The following SMARCA2 variants were observed in gnomAD, a reference collection of about 807,000 sequenced individuals.
The protein encoded by SMARCA2 is SWI/SNF-related matrix-associated actin-dependent regulator of chromatin subfamily A member 2.
SMARCA2 carries 61 observed loss-of-function variants against 199.8 expected under a neutral mutation model. The observed-to-expected ratio is 0.31, with a 90% CI of 0.25 to 0.38. The LOEUF (loss-of-function observed/expected upper bound fraction) is 0.38. Among genes scored for constraint, SMARCA2 ranks in the 10% least tolerant of loss-of-function variants. The probability of loss-of-function intolerance (pLI) is 1.00; values close to 1 mark genes in which losing one functional copy is unlikely to be tolerated. For synonymous variants in SMARCA2, 935 were observed against 732.0 expected (o/e 1.28, Z -4.48); for missense variants, 1,344 against 2,012.2 (o/e 0.67, Z 6.35).
chr9:2,186,503 A>AT (rs1827469470), intron 32 of SMARCA2, among the ~76,000 whole-genome samples: 1 of 151,904 alleles, frequency 6.6e-6, no homozygotes, highest in Non-Finnish European at 1.5e-5. Context: ...TATTTCTTTT[A>AT]TTTATTTATT....
At position 2,069,913 on chromosome 9, in the gene SMARCA2, G is replaced by A. The variant is rs138983587; in HGVS notation, c.1693-505G>A. ...TGGAGATCATCGTACCCAATAATTAGTTTTTCAGCTCTTGCCCCACTCCCT... is the reference window on the plus strand; with the variant it reads ...TGGAGATCATCGTACCCAATAATTAATTTTTCAGCTCTTGCCCCACTCCCT... On this transcript the variant is annotated intron_variant, in intron 9 of 33. Coordinates refer to ENST00000349721, the MANE Select transcript of SMARCA2 (RefSeq NM_003070.5). 2.0e-3 allele frequency among the ~76,000 whole-genome samples: 300 copies of A among 152,236 alleles called. 1 individual carries two copies. Among genetic ancestry groups the A allele is most frequent in the African/African-American group, 6.8e-3 (281 of 41,540 alleles).
intron 1 of SMARCA2, among the ~76,000 whole-genome samples, chr9:2,028,700 GC>G (rs1399330396): frequency 2.6e-5 from 4 of 152,170 alleles, no homozygotes; most frequent in African/African-American, 4.8e-5. Context: ...TTAGAATTCT[GC>G]TTATGTGTTA....
intron 4 of SMARCA2, chr9:2,044,191 C>G (rs150236142): frequency 3.0e-4 from 45 of 152,176 alleles, no homozygotes; most frequent in African/African-American, 1.0e-3. Flanking sequence ...GTGTTCAGTT[C>G]CCCGGCCTCT....
At chr9:2,131,152 A>G (rs930123997) in intron 27 of SMARCA2, among the ~76,000 whole-genome samples, 1 of 152,238 alleles carries the variant, frequency 6.6e-6, no homozygotes, top group African/African-American at 2.4e-5. Flanking sequence ...GATAATTGGA[A>G]TGCATTCTAG....
At chr9:2,097,194 A>G in intron 20 of SMARCA2, 191 bp from the exon 21 acceptor site, 2 of 531,246 alleles carry the variant, frequency 3.8e-6, no homozygotes, top group South Asian at 5.6e-5. Context: ...GCGTAAGTTA[A>G]TCACAAGAAA....
At chr9:2,187,736 A>C (rs533727678) in intron 32 of SMARCA2, among the ~76,000 whole-genome samples, 14 of 152,116 alleles carry the variant, frequency 9.2e-5, no homozygotes, top group African/African-American at 3.4e-4. Context: ...CTTCTTTCCT[A>C]TGTGTGTCTT....
At chr9:2,112,644 G>T (rs532871668) in intron 24 of SMARCA2, among the ~76,000 whole-genome samples, 1 of 152,116 alleles carries the variant, frequency 6.6e-6, no homozygotes, top group Admixed American at 6.6e-5. Context: ...TTTACAACAG[G>T]TTCCTCACAC....
At position 2,110,953 on chromosome 9, in the gene SMARCA2, T is replaced by G. The variant is rs1822965875; in HGVS notation, c.3456+536T>G. ...TTTTGTGTTTTATTTAAAGTCATCATCAAAACATATTCTAATGAGCATTTA... is the reference window on the plus strand; with the variant it reads ...TTTTGTGTTTTATTTAAAGTCATCAGCAAAACATATTCTAATGAGCATTTA... On this transcript the variant is annotated intron_variant, in intron 24 of 33. Transcript: ENST00000349721. The surrounding 1 kb of genome is among the most constrained non-coding windows in gnomAD (Gnocchi z 4.8). Among the ~76,000 whole-genome samples, 2 of 152,178 alleles carry G rather than the reference T, an allele frequency of 1.3e-5. No individual in the cohort carries two copies. The highest frequency in any genetic ancestry group is 2.9e-5 in the Non-Finnish European group (2 of 68,034).
At chr9:2,033,220 C>T in intron 3 of SMARCA2, 139 bp downstream of exon 3, 2 of 874,202 alleles carry the variant, frequency 2.3e-6, no homozygotes, top group Non-Finnish European at 3.5e-6. Context: ...TTATGGAAAT[C>T]TACCTCCGTC....
At chr9:2,090,150 A>G (rs1229279466) in intron 19 of SMARCA2, among the ~76,000 whole-genome samples, 1 of 152,218 alleles carries the variant, frequency 6.6e-6, no homozygotes, top group Non-Finnish European at 1.5e-5. Context: ...TTTGCTTTAC[A>G]AAAATATTTA....
chr9:2,181,780 A>G, intron 30 of SMARCA2, 104 bp downstream of exon 30: 1 of 683,242 alleles, frequency 1.5e-6, no homozygotes, highest in Non-Finnish European at 2.6e-6. Context: ...ATGGGTACCC[A>G]GGGCTCGCGA....
chr9:2,103,027 G>T (rs1822597179), intron 22 of SMARCA2, among the ~76,000 whole-genome samples: 2 of 148,350 alleles, frequency 1.3e-5, no homozygotes, highest in African/African-American at 5.0e-5. Context: ...CTTTATGCAT[G>T]CTCTTTCCTC....
At chr9:2,081,069 A>G (rs1821546230) in intron 14 of SMARCA2, among the ~76,000 whole-genome samples, 1 of 152,234 alleles carries the variant, frequency 6.6e-6, no homozygotes, top group African/African-American at 2.4e-5. Flanking sequence ...GACTTTAGCA[A>G]ACATATATAT....
chr9:2,149,181 T>C (rs1258901439), intron 27 of SMARCA2, among the ~76,000 whole-genome samples: 2 of 151,274 alleles, frequency 1.3e-5, no homozygotes, highest in Non-Finnish European at 3.0e-5. Context: ...CAAAAGGCAC[T>C]TCTTACATGG....
intron 27 of SMARCA2, among the ~76,000 whole-genome samples, chr9:2,134,026 A>G (rs371461575): frequency 6.6e-6 from 1 of 152,214 alleles, no homozygotes; most frequent in East Asian, 1.9e-4. Context: ...TCTGAGAATT[A>G]AAGGTGTGTA....
At chr9:2,116,292 G>T (rs1383980122) in intron 25 of SMARCA2, among the ~76,000 whole-genome samples, 3 of 152,168 alleles carry the variant, frequency 2.0e-5, no homozygotes, top group African/African-American at 7.2e-5. Context: ...TTTTTCCCAG[G>T]GTGGTAAAAC....
intron 7 of SMARCA2, among the ~76,000 whole-genome samples, chr9:2,057,277 T>A (rs1305784591): frequency 6.6e-6 from 1 of 152,224 alleles, no homozygotes; most frequent in Non-Finnish European, 1.5e-5. Context: ...TCTTACGTGG[T>A]GGAAGCAGGC....
At position 2,110,246 on chromosome 9, in the gene SMARCA2, C is replaced by A; in HGVS notation, c.3293-8C>A. ...TAATTGGCAAATTAATTTTTCTGAT[C>A]CCCTCAGGCACCACCAAGTCTGAAG... On this transcript the variant is annotated splice_polypyrimidine_tract_variant and splice_region_variant and intron_variant, in intron 23 of 33. Transcript: ENST00000349721. The surrounding 1 kb of genome is among the most constrained non-coding windows in gnomAD (Gnocchi z 4.8). 1 of 1,576,200 alleles carries A rather than the reference C, an allele frequency of 6.3e-7. No individual in the cohort carries two copies. The highest frequency in any genetic ancestry group is 2.3e-5 in the East Asian group (1 of 44,210).
In SMARCA2 at chr9:2,158,695, G is replaced by C. The variant is rs937656160; in HGVS notation, c.3982-2991G>C. On this transcript the variant is annotated intron_variant, in intron 27 of 33. Coordinates refer to ENST00000349721, the MANE Select transcript of SMARCA2 (RefSeq NM_003070.5). ...CCCCCCAGCCCCCAGCGCTGAGTTT[G>C]AGTCAGTTGAGCCAGTTTAGTAAAT... is the stretch of plus-strand genomic sequence containing the variant. 3 of 371,038 alleles carry C rather than the reference G, an allele frequency of 8.1e-6. No homozygotes were observed. In the East Asian group the frequency reaches 1.2e-4, roughly 15 times the overall value. 23.0% of individuals were successfully genotyped at this position (371,038 alleles called of 1,614,324 possible). A position where few individuals can be genotyped will look rare whatever the true frequency, so the allele number is the denominator to read the frequency against.
Sources: gnomAD v4.1 joint callset for allele counts (sites outside exome capture counted in the v4.1 genomes callset) on GRCh38, gnomAD v4.1.1 for gene constraint, Gnocchi (gnomAD v3.1) non-coding constraint, MANE v1.5 for transcripts, NCBI Gene and HGNC (gene_info 2026-07-23, HGNC 2026-07-21) for gene names.